The following DENND1A variants were observed in gnomAD, a reference collection of about 807,000 sequenced individuals.
DENND1A encodes DENN domain containing 1A.
DENND1A carries 51 observed loss-of-function variants against 113.7 expected under a neutral mutation model. The observed-to-expected ratio is 0.45, with a 90% CI of 0.36 to 0.57. The LOEUF is 0.57. Among genes scored for constraint, DENND1A ranks in the 20% least tolerant of loss-of-function variants. The probability of loss-of-function intolerance (pLI) is 0.00; values close to 1 mark genes in which losing one functional copy is unlikely to be tolerated. For synonymous variants in DENND1A, 565 were observed against 570.8 expected (o/e 0.99, Z 0.14); for missense variants, 1,258 against 1,395.9 (o/e 0.90, Z 1.57).
At chr9:123,472,808 G>A (rs1332482090) in intron 13 of DENND1A, among the ~76,000 whole-genome samples, 1 of 152,226 alleles carries the variant, frequency 6.6e-6, no homozygotes, top group South Asian at 2.1e-4. Context: ...ATAACACGGG[G>A]CCAGCCACGG....
chr9:123,911,946 G>A (rs186207704), intron 1 of DENND1A, among the ~76,000 whole-genome samples: 35 of 151,904 alleles, frequency 2.3e-4, no homozygotes, highest in Admixed American at 2.1e-3. Context: ...CGCCCACCTC[G>A]GCCTCCCAAA....
intron 13 of DENND1A, chr9:123,485,648 GCGCGCGCGCACACACA>G (rs1159770775): frequency 1.2e-3 from 36 of 29,750 alleles, no homozygotes; most frequent in Non-Finnish European, 1.4e-3. Context: ...ACACACACGC[GCGCGCGCGCACACACA>G]CACACACACA....
chr9:123,919,669 G>A (rs1348371843), intron 1 of DENND1A, among the ~76,000 whole-genome samples: 1 of 151,542 alleles, frequency 6.6e-6, no homozygotes, highest in Non-Finnish European at 1.5e-5. Flanking sequence ...ATCACTTGAG[G>A]TCAGGTGTTT....
intron 5 of DENND1A, among the ~76,000 whole-genome samples, chr9:123,717,320 G>C (rs1381657361): frequency 6.6e-6 from 1 of 152,130 alleles, no homozygotes; most frequent in Non-Finnish European, 1.5e-5. Flanking sequence ...TCTATACCAT[G>C]GGCCATGCCT....
chr9:123,446,877 A>C (rs2047346226), intron 18 of DENND1A, among the ~76,000 whole-genome samples: 1 of 152,236 alleles, frequency 6.6e-6, no homozygotes, highest in Non-Finnish European at 1.5e-5. Flanking sequence ...AGGGCTGTGA[A>C]ATGGGCCCAT....
At chr9:123,781,218 C>T (rs1189453148) in intron 3 of DENND1A, among the ~76,000 whole-genome samples, 4 of 152,164 alleles carry the variant, frequency 2.6e-5, no homozygotes, top group South Asian at 2.1e-4. Context: ...ACCTCACCTG[C>T]CAGTTTGCCC....
chr9:123,472,161 G>A (rs1354230822), intron 13 of DENND1A, among the ~76,000 whole-genome samples: 1 of 152,148 alleles, frequency 6.6e-6, no homozygotes, highest in African/African-American at 2.4e-5. Flanking sequence ...CCCTTTGTGA[G>A]CTGGGCATCA....
intron 13 of DENND1A, among the ~76,000 whole-genome samples, chr9:123,465,745 T>C (rs545359349): frequency 6.6e-6 from 1 of 152,360 alleles, no homozygotes; most frequent in Non-Finnish European, 1.5e-5. Context: ...TTTTCTTTTA[T>C]GGTGTCTTTT....
At chr9:123,713,804 C>T (rs1441822544) in intron 5 of DENND1A, among the ~76,000 whole-genome samples, 1 of 151,938 alleles carries the variant, frequency 6.6e-6, no homozygotes, top group Non-Finnish European at 1.5e-5. Context: ...ACATTATTGT[C>T]ACTATTCCAT....
intron 13 of DENND1A, among the ~76,000 whole-genome samples, chr9:123,500,818 G>T (rs1171282331): frequency 6.6e-6 from 1 of 152,222 alleles, no homozygotes; most frequent in Non-Finnish European, 1.5e-5. Flanking sequence ...TTCATCTCCA[G>T]TATCAAGGGC....
chr9:123,443,260 G>C (rs1162518727), intron 18 of DENND1A, among the ~76,000 whole-genome samples: 1 of 152,200 alleles, frequency 6.6e-6, no homozygotes, highest in Non-Finnish European at 1.5e-5. Flanking sequence ...AAAGTGCTCA[G>C]ATGTAATCTT....
chr9:123,873,137 T>A (rs1846913496), intron 2 of DENND1A, among the ~76,000 whole-genome samples: 1 of 152,204 alleles, frequency 6.6e-6, no homozygotes, highest in Non-Finnish European at 1.5e-5. Flanking sequence ...AAACATAAGT[T>A]GTATTAAAAA....
chr9:123,507,404 T>C (rs1049650439), intron 13 of DENND1A, among the ~76,000 whole-genome samples: 1 of 152,250 alleles, frequency 6.6e-6, no homozygotes, highest in Non-Finnish European at 1.5e-5. Context: ...TTTGCATCTT[T>C]ATAATCACTG....
intron 13 of DENND1A, among the ~76,000 whole-genome samples, chr9:123,539,955 A>G (rs1346164814): frequency 1.3e-5 from 2 of 152,202 alleles, no homozygotes; most frequent in African/African-American, 4.8e-5. Flanking sequence ...TTTATAATAA[A>G]TAGATTTTTA....
chr9:123,529,323 T>C (rs2055105896), intron 13 of DENND1A, among the ~76,000 whole-genome samples: 1 of 152,000 alleles, frequency 6.6e-6, no homozygotes, highest in South Asian at 2.1e-4. Flanking sequence ...TTAGACCCCT[T>C]CTCCCCCGAC....
rs982864772 is a variant in DENND1A, at chr9:123,679,084, T to C, written c.303-2295A>G. On this transcript the variant is annotated intron_variant, in intron 5 of 23. Transcript: ENST00000394215. ...ACTAGTTAAATCCAGCCACTGAAAG[T>C]CAGGAGGCAGGGGGGAAAAGGCAAG... Among the ~76,000 whole-genome samples the C allele has an allele frequency of 2.6e-5, 4 of 152,130 alleles. No homozygotes were observed. In the South Asian group the frequency reaches 8.3e-4, roughly 32 times the overall value.
chr9:123,394,452 A>G (rs879574058), intron 21 of DENND1A, among the ~76,000 whole-genome samples: 5 of 152,038 alleles, frequency 3.3e-5, no homozygotes, highest in Non-Finnish European at 7.4e-5. Context: ...GTGACGTGCA[A>G]GTCTGGGGGT....
intron 16 of DENND1A, among the ~76,000 whole-genome samples, chr9:123,453,576 C>T (rs1045304949): frequency 2.6e-5 from 4 of 151,998 alleles, no homozygotes; most frequent in Non-Finnish European, 4.4e-5. Context: ...CACTACAGAG[C>T]GTTTTTAATC....
chr9:123,888,868 G>A (rs938600402), intron 1 of DENND1A, among the ~76,000 whole-genome samples: 4 of 152,058 alleles, frequency 2.6e-5, no homozygotes, highest in Admixed American at 1.3e-4. Context: ...TTTGCATTGC[G>A]TTAGAGGGGA....
Sources: allele counts gnomAD v4.1 joint callset (sites outside exome capture counted in the v4.1 genomes callset), GRCh38; gene constraint gnomAD v4.1.1; transcripts MANE v1.5; gene names NCBI Gene and HGNC (gene_info 2026-07-23, HGNC 2026-07-21).